Variants in DCLK2 observed in about 807,000 individuals in gnomAD.
DCLK2 encodes the protein doublecortin like kinase 2.
A neutral mutation model predicts 78.4 loss-of-function variants in DCLK2; 31 were observed. That is an observed-to-expected ratio of 0.40 (90% CI 0.30 to 0.53). The LOEUF (loss-of-function observed/expected upper bound fraction) is 0.53, where lower values mean the gene tolerates loss of function less well. Ranked by LOEUF, DCLK2 falls within the 20% of genes least tolerant of loss-of-function variation. The probability of loss-of-function intolerance (pLI) is 0.61; values close to 1 mark genes in which losing one functional copy is unlikely to be tolerated. For missense variants in DCLK2, 872 were observed against 973.7 expected, an observed-to-expected ratio of 0.90 and a Z score of 1.39; for synonymous variants, 407 against 374.9, an observed-to-expected ratio of 1.09 and a Z score of -0.99.
At chr4:150,157,062 G>A (rs941877142) in intron 2 of DCLK2, among the ~76,000 whole-genome samples, 17 of 151,596 alleles carry the variant, frequency 1.1e-4, no homozygotes, top group Admixed American at 8.6e-4. Flanking sequence ...GAACCACTGC[G>A]CACAGCCAGG....
chr4:150,098,516 T>G (rs1730628453), intron 1 of DCLK2, among the ~76,000 whole-genome samples: 1 of 152,106 alleles, frequency 6.6e-6, no homozygotes, highest in African/African-American at 2.4e-5. Flanking sequence ...AATTTTTATT[T>G]TGTTAATTTT....
At chr4:150,240,662 G>A (rs1473940441) in intron 12 of DCLK2, among the ~76,000 whole-genome samples, 186 bp downstream of exon 12, 1 of 150,390 alleles carries the variant, frequency 6.6e-6, no homozygotes, top group African/African-American at 2.5e-5. Flanking sequence ...TGACGAGTTA[G>A]TGGGTGCAGC....
chr4:150,199,228 A>G, intron 4 of DCLK2: 1 of 708,702 alleles, frequency 1.4e-6, no homozygotes, highest in Admixed American at 2.3e-5. Context: ...TGCATTGCAC[A>G]AGACACTTTA....
chr4:150,181,371 A>C (rs569362661), intron 2 of DCLK2, among the ~76,000 whole-genome samples: 5 of 152,042 alleles, frequency 3.3e-5, no homozygotes, highest in African/African-American at 1.2e-4. Flanking sequence ...AGCGGCTCTC[A>C]GTAGGGGGCA....
At chr4:150,168,346 CAAAA>C (rs1285332689) in intron 2 of DCLK2, among the ~76,000 whole-genome samples, 3 of 113,828 alleles carry the variant, frequency 2.6e-5, no homozygotes, top group African/African-American at 9.8e-5. Flanking sequence ...GACTCCATCT[CAAAA>C]AAAAAAAAAA....
chr4:150,120,240 CA>C (rs1394758811), intron 2 of DCLK2, among the ~76,000 whole-genome samples: 3 of 152,182 alleles, frequency 2.0e-5, no homozygotes, highest in Non-Finnish European at 4.4e-5. Context: ...TGGGGACTCA[CA>C]ATAGCTTTTG....
intron 1 of DCLK2, 69 bp downstream of exon 1, chr4:150,079,517 G>C: frequency 1.4e-6 from 2 of 1,392,974 alleles, no homozygotes; most frequent in Non-Finnish European, 1.9e-6. Context: ...GTGAGCCGGC[G>C]CAGCGGGGAG....
At chr4:150,120,332 G>C (rs1017804094) in intron 2 of DCLK2, among the ~76,000 whole-genome samples, 3 of 152,070 alleles carry the variant, frequency 2.0e-5, no homozygotes, top group Admixed American at 2.0e-4. Flanking sequence ...CTAGTTTGCG[G>C]GTCACTGTGC....
chr4:150,218,812 A>T (rs1740945916), intron 5 of DCLK2, among the ~76,000 whole-genome samples: 1 of 152,130 alleles, frequency 6.6e-6, no homozygotes, highest in South Asian at 2.1e-4. Context: ...CTCCCCTGTT[A>T]CTTTATTCTG....
At chr4:150,175,683 G>A (rs1484999269) in intron 2 of DCLK2, 1 of 152,122 alleles carries the variant, frequency 6.6e-6, no homozygotes, top group Non-Finnish European at 1.5e-5. Flanking sequence ...TTCATATTTA[G>A]TCTTGAAAAA....
At chr4:150,172,846 ATC>A in intron 2 of DCLK2, among the ~76,000 whole-genome samples, 1 of 149,804 alleles carries the variant, frequency 6.7e-6, no homozygotes, top group Non-Finnish European at 1.5e-5. Flanking sequence ...TCAATTATCC[ATC>A]TCTACCCTTT....
chr4:150,091,980 C>T (rs1268488403), intron 1 of DCLK2, among the ~76,000 whole-genome samples: 1 of 152,126 alleles, frequency 6.6e-6, no homozygotes, highest in Non-Finnish European at 1.5e-5. Flanking sequence ...CTCTTCCCCT[C>T]ACCCCCTGGC....
intron 5 of DCLK2, among the ~76,000 whole-genome samples, chr4:150,207,564 C>G (rs988027138): frequency 3.3e-5 from 5 of 152,222 alleles, no homozygotes; most frequent in Admixed American, 2.6e-4. Context: ...GGTACTCTTA[C>G]GAGAAAGATG....
intron 2 of DCLK2, among the ~76,000 whole-genome samples, chr4:150,171,438 G>A (rs1053810881): frequency 6.6e-6 from 1 of 152,172 alleles, no homozygotes; most frequent in South Asian, 2.1e-4. Flanking sequence ...CAGATATCGC[G>A]CCACTGCACT....
At chr4:150,121,494 T>A (rs1732536917) in intron 2 of DCLK2, among the ~76,000 whole-genome samples, 1 of 152,230 alleles carries the variant, frequency 6.6e-6, no homozygotes, top group Non-Finnish European at 1.5e-5. Flanking sequence ...TAGGCTCCAC[T>A]TCTAATTCTA....
chr4:150,124,476 A>G (rs1486355615), intron 2 of DCLK2, among the ~76,000 whole-genome samples: 1 of 152,190 alleles, frequency 6.6e-6, no homozygotes, highest in Non-Finnish European at 1.5e-5. Flanking sequence ...TGAGTTATGG[A>G]AGATATTTAA....
intron 15 of DCLK2, among the ~76,000 whole-genome samples, chr4:150,250,212 T>C (rs965964347): frequency 6.6e-6 from 1 of 152,222 alleles, no homozygotes; most frequent in Non-Finnish European, 1.5e-5. Context: ...TTTTCAGGGT[T>C]GGTAACATTT....
intron 7 of DCLK2, among the ~76,000 whole-genome samples, chr4:150,223,774 T>TAAATA (rs1741382182): frequency 6.6e-6 from 1 of 151,708 alleles, no homozygotes; most frequent in Admixed American, 6.6e-5. Context: ...AATAAATAAA[T>TAAATA]AACATCAAGA....
chr4:150,238,834 G>C lies in DCLK2; in HGVS notation c.1567-908G>C, dbSNP rs76937818. Reference sequence around the variant, plus strand: ...CAACCAGATGTGTGGACTTGTTATGGAAGTTCAGGCTGCCTGATCCCAAAG... The same window carrying C: ...CAACCAGATGTGTGGACTTGTTATGCAAGTTCAGGCTGCCTGATCCCAAAG... On this transcript the variant is annotated intron_variant, in intron 10 of 15. Transcript: ENST00000296550. Among the ~76,000 whole-genome samples the C allele has an allele frequency of 5.0e-3, 766 of 152,168 alleles. 8 individuals carry two copies. The highest frequency in any genetic ancestry group is 0.017 in the African/African-American group (722 of 41,494).
Sources: gnomAD v4.1 joint callset for allele counts (sites outside exome capture counted in the v4.1 genomes callset) on GRCh38, gnomAD v4.1.1 for gene constraint, MANE v1.5 for transcripts, NCBI Gene and HGNC (gene_info 2026-07-23, HGNC 2026-07-21) for gene names.